HDAC9: variants seen among roughly 807,000 people sequenced by gnomAD.
HDAC9 encodes histone deacetylase 9, also known as MEF-2 interacting transcription repressor (MITR) protein.
HDAC9 carries 41 observed loss-of-function variants against 139.4 expected under a neutral mutation model. That is an observed-to-expected ratio of 0.29 (90% confidence interval 0.23 to 0.38). The LOEUF (loss-of-function observed/expected upper bound fraction) is 0.38, where lower values mean the gene tolerates loss of function less well. Ranked by LOEUF, HDAC9 falls within the 10% of genes least tolerant of loss-of-function variation. HDAC9 has a pLI of 1.00. For missense variants in HDAC9, 1,147 were observed against 1,297.0 expected (o/e 0.88, Z 1.78); for synonymous variants, 517 against 476.2 (o/e 1.09, Z -1.12).
chr7:18,156,753 G>T (rs1787235918), intron 1 of HDAC9, among the ~76,000 whole-genome samples: 1 of 152,196 alleles, frequency 6.6e-6, no homozygotes, highest in African/African-American at 2.4e-5. Flanking sequence ...ACAAGATACA[G>T]TGGAAACAGA....
chr7:18,474,651 T>G (rs1323093433), intron 1 of HDAC9, among the ~76,000 whole-genome samples: 1 of 152,216 alleles, frequency 6.6e-6, no homozygotes, highest in Non-Finnish European at 1.5e-5. Context: ...GTGTTTATCT[T>G]GAGCTGAGAT....
At chr7:18,940,643 C>T (rs753731510) in intron 23 of HDAC9, among the ~76,000 whole-genome samples, 11 of 152,044 alleles carry the variant, frequency 7.2e-5, no homozygotes, top group Admixed American at 5.9e-4. Flanking sequence ...TTTTAGAATT[C>T]ATAATAGAAA....
intron 16 of HDAC9, among the ~76,000 whole-genome samples, chr7:18,774,866 T>C (rs1222033424): frequency 6.6e-6 from 1 of 152,100 alleles, no homozygotes; most frequent in Non-Finnish European, 1.5e-5. Context: ...ACAACAGGTC[T>C]AGTTTTCGGC....
At chr7:18,357,906 T>G (rs886661534) in intron 1 of HDAC9, among the ~76,000 whole-genome samples, 6 of 152,174 alleles carry the variant, frequency 3.9e-5, no homozygotes, top group African/African-American at 1.4e-4. Context: ...GTTTCTAGGT[T>G]GAGTGATGCC....
At chr7:18,091,236 C>G (rs889284860) in intron 1 of HDAC9, among the ~76,000 whole-genome samples, 2 of 152,154 alleles carry the variant, frequency 1.3e-5, no homozygotes, top group South Asian at 4.1e-4. Context: ...ATGTGGTTTC[C>G]TGTTTACTAT....
chr7:18,609,924 C>T (rs913037596), intron 6 of HDAC9, among the ~76,000 whole-genome samples: 22 of 152,190 alleles, frequency 1.4e-4, no homozygotes, highest in African/African-American at 4.8e-4. Context: ...TGATGGTTTC[C>T]AGCTTCATCC....
chr7:18,668,913 T>G, intron 12 of HDAC9: 5 of 980,536 alleles, frequency 5.1e-6, no homozygotes, highest in Non-Finnish European at 6.0e-6. Context: ...GCACACTAGA[T>G]CTCATATATC....
chr7:18,577,841 G>A (rs1232513980), intron 2 of HDAC9, among the ~76,000 whole-genome samples: 1 of 152,004 alleles, frequency 6.6e-6, no homozygotes, highest in Non-Finnish European at 1.5e-5. Context: ...CTCGTCTGTG[G>A]TAAAATTTGT....
intron 24 of HDAC9, among the ~76,000 whole-genome samples, chr7:18,969,825 C>T (rs570694327): frequency 1.8e-4 from 27 of 151,938 alleles, no homozygotes; most frequent in Admixed American, 5.9e-4. Context: ...TCAAAAACAA[C>T]GAAAACTTTT....
rs1346717016 is a variant in HDAC9 at position 18,954,332 on chromosome 7, A to T, written c.3022+102A>T. The T allele has an allele frequency of 8.8e-6, 8 of 909,066 alleles. No individual in the cohort carries two copies. The Admixed American group carries it at 9.7e-5, about 11-fold the overall frequency. The allele number at this position is 909,066 out of a possible 1,614,324, so 56.3% of individuals were successfully genotyped here. On this transcript the variant is annotated intron_variant, in intron 24 of 25. Transcript: ENST00000686413. ...GAAACATTTATTTAGAGTTATCATA[A>T]TTTGCACATGCGTTCTTAAGTATAT...
chr7:18,925,912 T>C (rs1425171232), intron 22 of HDAC9, among the ~76,000 whole-genome samples: 1 of 151,750 alleles, frequency 6.6e-6, no homozygotes, highest in Non-Finnish European at 1.5e-5. Context: ...CTTGCTCTTC[T>C]TTACTTTTCC....
chr7:18,968,161 TA>T (rs906405476), intron 24 of HDAC9, among the ~76,000 whole-genome samples: 3 of 151,666 alleles, frequency 2.0e-5, no homozygotes, highest in African/African-American at 4.9e-5. Context: ...AAACTCCACC[TA>T]AAAAAGAAAG....
intron 1 of HDAC9, among the ~76,000 whole-genome samples, chr7:18,132,559 C>T (rs767787597): frequency 2.0e-5 from 3 of 152,138 alleles, no homozygotes; most frequent in Non-Finnish European, 2.9e-5. Flanking sequence ...CAGGCACATA[C>T]TACCACACCT....
intron 13 of HDAC9, among the ~76,000 whole-genome samples, chr7:18,741,861 G>T (rs1787493392): frequency 6.6e-6 from 1 of 152,180 alleles, no homozygotes; most frequent in South Asian, 2.1e-4. Context: ...CTTCGAGGGG[G>T]TCAATACTTC....
chr7:18,509,521 A>AT (rs1383032992), intron 2 of HDAC9: 13 of 848,624 alleles, frequency 1.5e-5, no homozygotes, highest in Non-Finnish European at 1.8e-5. Flanking sequence ...TGAAAGCTGT[A>AT]TTTTTTAAAT....
intron 2 of HDAC9, among the ~76,000 whole-genome samples, chr7:18,553,333 AG>A (rs1817725935): frequency 6.6e-6 from 1 of 152,162 alleles, no homozygotes; most frequent in Non-Finnish European, 1.5e-5. Flanking sequence ...CTATGTTTTT[AG>A]GGTGCTTTTC....
intron 1 of HDAC9, among the ~76,000 whole-genome samples, chr7:18,356,357 G>GTTTTT (rs1562911066): frequency 2.2e-4 from 6 of 27,326 alleles, no homozygotes; most frequent in Admixed American, 5.5e-4. Flanking sequence ...GCAGCACATA[G>GTTTTT]GTTTTTTTTT....
At chr7:18,852,276 G>T (rs983974931) in intron 21 of HDAC9, among the ~76,000 whole-genome samples, 1 of 152,154 alleles carries the variant, frequency 6.6e-6, no homozygotes, top group African/African-American at 2.4e-5. Flanking sequence ...CTGATATATT[G>T]ACCATGCACT....
chr7:18,778,530 A>G (rs1017696402), intron 16 of HDAC9, among the ~76,000 whole-genome samples: 1 of 152,062 alleles, frequency 6.6e-6, no homozygotes, highest in African/African-American at 2.4e-5. Flanking sequence ...CAGTGTGGAC[A>G]TCAGATTAAA....
Sources: allele counts gnomAD v4.1 joint callset (sites outside exome capture counted in the v4.1 genomes callset), GRCh38; gene constraint gnomAD v4.1.1; transcripts MANE v1.5; gene names NCBI Gene and HGNC (gene_info 2026-07-23, HGNC 2026-07-21).